ANKRD18A: variants seen among roughly 807,000 people sequenced by gnomAD.
ANKRD18A encodes ankyrin repeat domain 18A.
ANKRD18A carries 72 observed loss-of-function variants against 110.6 expected under a neutral mutation model. That is an observed-to-expected ratio of 0.65 (90% CI 0.54 to 0.79). The LOEUF is 0.79. Ranked by LOEUF, ANKRD18A falls within the 30% of genes least tolerant of loss-of-function variation. ANKRD18A has a pLI of 0.00. For synonymous variants in ANKRD18A, 305 were observed against 410.3 expected (o/e 0.74, Z 3.10); for missense variants, 934 against 1,163.3 (o/e 0.80, Z 2.87).
chr9:38,590,481 A>C (rs1824598791), intron 10 of ANKRD18A, among the ~76,000 whole-genome samples: 1 of 151,966 alleles, frequency 6.6e-6, no homozygotes, highest in African/African-American at 2.4e-5. Context: ...TGTACTTCTG[A>C]CCTCAGGTAA....
intron 15 of ANKRD18A, chr9:38,572,564 G>A (rs1823697270): frequency 6.5e-6 from 1 of 153,534 alleles, no homozygotes; most frequent in African/African-American, 2.4e-5. Flanking sequence ...AGAGGCGAAG[G>A]CAAAGATCCT....
intron 12 of ANKRD18A, among the ~76,000 whole-genome samples, chr9:38,585,554 C>T (rs1824344543): frequency 1.3e-5 from 2 of 152,204 alleles, no homozygotes; most frequent in Admixed American, 1.3e-4. Context: ...AGTCACCATA[C>T]TGGCTCAGAA....
At chr9:38,586,157 A>G (rs912059696) in intron 12 of ANKRD18A, 26 bp downstream of exon 12, 58 of 1,564,968 alleles carry the variant, frequency 3.7e-5, no homozygotes, top group Non-Finnish European at 4.8e-5. Context: ...AGACCTTAAG[A>G]TAAAATAATA....
intron 11 of ANKRD18A, among the ~76,000 whole-genome samples, chr9:38,586,554 G>GT (rs930646797): frequency 5.5e-4 from 81 of 148,218 alleles, no homozygotes; most frequent in African/African-American, 8.4e-4. Flanking sequence ...ACAGTTTTTG[G>GT]TTTTTTTTTT....
chr9:38,569,689 C>T (rs1439162845), downstream of ANKRD18A, among the ~76,000 whole-genome samples: 1 of 152,106 alleles, frequency 6.6e-6, no homozygotes, highest in African/African-American at 2.4e-5. Flanking sequence ...GTTTGTTTGT[C>T]TTGCTTCTCT....
intron 12 of ANKRD18A, among the ~76,000 whole-genome samples, chr9:38,585,187 T>TA (rs1401016468): frequency 6.6e-5 from 10 of 152,176 alleles, no homozygotes; most frequent in Admixed American, 2.6e-4. Context: ...AAGATATATT[T>TA]ACCCTCTATT....
chr9:38,571,225 T>C (rs969922333), downstream of ANKRD18A: 3 of 1,504,246 alleles, frequency 2.0e-6, no homozygotes, highest in Non-Finnish European at 2.6e-6. Flanking sequence ...AATACATTAG[T>C]TTAGAACACC....
rs771349328 is a variant in ANKRD18A, at chr9:38,610,322, T to C, written c.691A>G (p.Met231Val). The part of the protein sequence containing the change: ...QQNIRISSQD[M>V]FGQTAEDYAL... The stretch of plus-strand genomic sequence containing the variant: ...TAATCCTCGGCAGTTTGGCCAAACA[T>C]GTCTTGAGAAGAGATACGTATATTT... Residue 231 changes from methionine (M) to valine (V), a missense_variant, in exon 5 of 16, where the codon ATG becomes GTG. By Grantham distance (21) the Met-to-Val change is conservative. Around this residue, in one of 4 missense-constraint regions of ANKRD18A, gnomAD observed 630 missense variants for 797.5 expected, o/e 0.79. Coordinates refer to ENST00000399703, the MANE Select transcript of ANKRD18A (RefSeq NM_147195.4). 5.0e-5 allele frequency: 78 copies of C among 1,551,074 alleles called. No individual in the cohort carries two copies. Among genetic ancestry groups the C allele is most frequent in the Non-Finnish European group, 6.6e-5 (76 of 1,146,804 alleles).
intron 9 of ANKRD18A, among the ~76,000 whole-genome samples, chr9:38,594,222 C>G (rs1042289223): frequency 6.6e-6 from 1 of 152,316 alleles, no homozygotes; most frequent in South Asian, 2.1e-4. Flanking sequence ...CGGATTCCTA[C>G]CTCAGAATAA....
intron 4 of ANKRD18A, among the ~76,000 whole-genome samples, chr9:38,610,613 C>A (rs2118868539): frequency 6.6e-6 from 1 of 152,248 alleles, no homozygotes; most frequent in East Asian, 1.9e-4. Context: ...AAGGCAGGGA[C>A]AACAAGCAAA....
At chr9:38,566,183 T>C in the ANKRD18A span, 1 of 152,268 alleles carries the variant, frequency 6.6e-6, no homozygotes, top group African/African-American at 2.4e-5. Flanking sequence ...CTCTTGTCCT[T>C]TTCACATTGC....
chr9:38,575,313 AAT>A (rs1372321781), intron 15 of ANKRD18A, among the ~76,000 whole-genome samples, 161 bp downstream of exon 15: 6 of 152,198 alleles, frequency 3.9e-5, no homozygotes, highest in Admixed American at 3.9e-4. Flanking sequence ...AGCTCCAGGG[AAT>A]TAAAAAATGT....
intron 5 of ANKRD18A, among the ~76,000 whole-genome samples, chr9:38,610,008 T>A (rs1346443775): frequency 6.6e-6 from 1 of 150,692 alleles, no homozygotes; most frequent in Non-Finnish European, 1.5e-5. Context: ...ATCTCACATA[T>A]GAGTTATACT....
Position 38,578,010 on chromosome 9 carries a change from T to G in ANKRD18A, c.2386A>C (p.Lys796Gln). The G allele has an allele frequency of 6.4e-7, 1 of 1,557,672 alleles. No homozygotes were observed. Residue 796 changes from lysine to glutamine, a missense_variant, in exon 13 of 16, where the codon AAG (lysine) becomes CAG (glutamine). Lys to Gln is a moderately conservative substitution (Grantham distance 53, BLOSUM62 1). Around this residue, in one of 4 missense-constraint regions of ANKRD18A, gnomAD observed 223 missense variants for 226.7 expected, o/e 0.98. Transcript: ENST00000399703. ...EKCEKLEKDK[K>Q]MLEEEVLNLK... ...TTTAATACTTCTTCTTCCAACATCTTTTTATCCTTCTCAAGTTTTTCACAT... is the reference window on the plus strand; with the variant it reads ...TTTAATACTTCTTCTTCCAACATCTGTTTATCCTTCTCAAGTTTTTCACAT...
intron 15 of ANKRD18A, among the ~76,000 whole-genome samples, chr9:38,574,560 G>T (rs565576306): frequency 1.1e-3 from 168 of 152,084 alleles, no homozygotes; most frequent in African/African-American, 3.9e-3. Context: ...CAGGTGATCC[G>T]CCTGCCTCGG....
At chr9:38,571,148 T>G, downstream of ANKRD18A, 1 of 1,534,282 alleles carries the variant, frequency 6.5e-7, no homozygotes, top group Non-Finnish European at 8.7e-7. Context: ...GTGGTTCTTC[T>G]GTTGGGGACT....
At chr9:38,610,016 A>T (rs1012251888) in intron 5 of ANKRD18A, among the ~76,000 whole-genome samples, 1 of 152,140 alleles carries the variant, frequency 6.6e-6, no homozygotes, top group Non-Finnish European at 1.5e-5. Context: ...TATGAGTTAT[A>T]CTTGGAATAA....
intron 6 of ANKRD18A, 108 bp downstream of exon 6, chr9:38,607,318 A>G (rs1825405531): frequency 2.3e-6 from 2 of 881,894 alleles, no homozygotes; most frequent in Non-Finnish European, 3.1e-6. Context: ...CGGCCTCCCA[A>G]AGTGCTGGGA....
chr9:38,594,250 A>G, intron 9 of ANKRD18A, among the ~76,000 whole-genome samples: 1 of 152,154 alleles, frequency 6.6e-6, no homozygotes, highest in East Asian at 1.9e-4. Context: ...ACGGCCTTCA[A>G]GGCCCTAGGT....
Sources: allele counts gnomAD v4.1 joint callset (sites outside exome capture counted in the v4.1 genomes callset), GRCh38; gene constraint gnomAD v4.1.1; regional missense constraint gnomAD v4.1.1; transcripts MANE v1.5; gene names NCBI Gene and HGNC (gene_info 2026-07-23, HGNC 2026-07-21).